RIMS1: variants seen among roughly 807,000 people sequenced by gnomAD.
RIMS1 encodes regulating synaptic membrane exocytosis protein 1.
Under a neutral mutation model 214.1 loss-of-function variants are expected in RIMS1, and 83 were observed. The ratio of observed to expected loss-of-function variants is 0.39; its 90% CI spans 0.32 to 0.47. The LOEUF (loss-of-function observed/expected upper bound fraction) is 0.47. Among genes scored for constraint, RIMS1 ranks in the 20% least tolerant of loss-of-function variants. RIMS1 has a pLI of 0.99. For missense variants in RIMS1, 2,050 were observed against 2,161.8 expected (o/e 0.95, Z 1.03); for synonymous variants, 793 against 786.8 (o/e 1.01, Z -0.13).
At chr6:72,369,371 A>G (rs2098142874) in intron 29 of RIMS1, among the ~76,000 whole-genome samples, 1 of 152,118 alleles carries the variant, frequency 6.6e-6, no homozygotes, top group Non-Finnish European at 1.5e-5. Flanking sequence ...TTGGGTCTGT[A>G]TATCTCAGTC....
At chr6:72,364,023 A>G (rs917736254) in intron 29 of RIMS1, among the ~76,000 whole-genome samples, 2 of 152,234 alleles carry the variant, frequency 1.3e-5, no homozygotes, top group Admixed American at 1.3e-4. Context: ...TCCATGGAAC[A>G]TGAGGTGTCT....
Position 72,250,909 on chromosome 6 carries a change from C to A in RIMS1, c.2373-12C>A. 1 of 1,445,824 alleles carries A rather than the reference C, an allele frequency of 6.9e-7. No individual in the cohort carries two copies. The highest frequency in any genetic ancestry group is 9.3e-7 in the Non-Finnish European group (1 of 1,080,070). The allele number at this position is 1,445,824 out of a possible 1,614,324, so 89.6% of individuals were successfully genotyped here. On this transcript the variant is annotated splice_polypyrimidine_tract_variant and intron_variant, in intron 13 of 33. Transcript: ENST00000521978. ...CTTGCTTTTTCATTTACAAAACATA[C>A]TTATTTTTCAGTGATAAAAGTAAAA... is the stretch of plus-strand genomic sequence containing the variant.
intron 3 of RIMS1, 39 bp from the exon 4 acceptor site, chr6:72,099,936 T>C: frequency 2.5e-6 from 4 of 1,582,806 alleles, no homozygotes; most frequent in Non-Finnish European, 2.6e-6. Context: ...TTTCTTTGTC[T>C]TCTTTCTCTA....
intron 4 of RIMS1, among the ~76,000 whole-genome samples, chr6:72,145,479 G>A (rs1477653055): frequency 6.6e-6 from 1 of 152,104 alleles, no homozygotes; most frequent in Non-Finnish European, 1.5e-5. Flanking sequence ...GGGCCTGGTG[G>A]CACACTCCTG....
chr6:72,140,471 G>A (rs923183020), intron 4 of RIMS1, among the ~76,000 whole-genome samples: 1 of 152,000 alleles, frequency 6.6e-6, no homozygotes, highest in Non-Finnish European at 1.5e-5. Flanking sequence ...AATTTACAAA[G>A]CATCAGGAAG....
At chr6:72,044,073 G>C (rs958286954) in intron 2 of RIMS1, among the ~76,000 whole-genome samples, 1 of 151,462 alleles carries the variant, frequency 6.6e-6, no homozygotes, top group Non-Finnish European at 1.5e-5. Context: ...TGAGAAATCA[G>C]TAAATGTTTA....
In RIMS1 at chr6:72,182,618, C is replaced by G; in HGVS notation, c.1147C>G (p.Arg383Gly). 6.5e-7 allele frequency: 1 copy of G among 1,546,546 alleles called. No homozygotes were observed. The highest frequency in any genetic ancestry group is 8.7e-7 in the Non-Finnish European group (1 of 1,145,858). The change falls in exon 6 of 34, where the codon CGC (arginine) becomes GGC (glycine). Residue 383 changes from arginine to glycine, a missense_variant. Physicochemically the swap from Arg to Gly is moderately radical, Grantham distance 125. This residue lies in a region of RIMS1 where 882 missense variants were observed against 828.9 expected (regional missense o/e 1.06). Coordinates refer to ENST00000521978, the MANE Select transcript of RIMS1 (RefSeq NM_014989.7). ...QQMRMHARVSRARHERRHSDV... is the reference protein window; with the variant it reads ...QQMRMHARVSGARHERRHSDV... The stretch of plus-strand genomic sequence containing the variant: ...GATGCGCATGCACGCCCGGGTGTCC[C>G]GCGCCAGGCACGAGCGGCGCCACAG...
intron 1 of RIMS1, among the ~76,000 whole-genome samples, chr6:71,934,002 A>G (rs984287433): frequency 6.6e-6 from 1 of 152,174 alleles, no homozygotes; most frequent in Non-Finnish European, 1.5e-5. Flanking sequence ...AGGTAAAGGT[A>G]TACTTGAATT....
At chr6:72,349,842 CAG>C (rs921676423) in intron 29 of RIMS1, among the ~76,000 whole-genome samples, 31 of 152,062 alleles carry the variant, frequency 2.0e-4, no homozygotes, top group African/African-American at 7.2e-4. Context: ...AAAAATAAAA[CAG>C]AAGAATCATT....
intron 29 of RIMS1, among the ~76,000 whole-genome samples, chr6:72,357,395 C>A (rs946425299): frequency 1.3e-5 from 2 of 152,150 alleles, no homozygotes; most frequent in Admixed American, 1.3e-4. Flanking sequence ...AGCCTCTCAT[C>A]CTGGGATAGG....
intron 29 of RIMS1, among the ~76,000 whole-genome samples, chr6:72,342,485 A>T (rs1333293685): frequency 2.0e-5 from 3 of 151,786 alleles, no homozygotes; most frequent in Non-Finnish European, 4.4e-5. Context: ...GGTAACTCTT[A>T]TGAACTTTTC....
chr6:72,294,799 A>G (rs1195771614), intron 26 of RIMS1, among the ~76,000 whole-genome samples: 1 of 151,774 alleles, frequency 6.6e-6, no homozygotes, highest in East Asian at 1.9e-4. Context: ...ATGCTAGCCT[A>G]TTTGCTACAT....
intron 29 of RIMS1, among the ~76,000 whole-genome samples, chr6:72,341,323 G>A (rs2097083946): frequency 2.0e-5 from 3 of 151,504 alleles, no homozygotes; most frequent in Non-Finnish European, 4.4e-5. Flanking sequence ...GTTGAAAATG[G>A]TGCTTAGTTT....
chr6:72,032,779 T>C (rs1429766800), intron 2 of RIMS1, among the ~76,000 whole-genome samples: 1 of 152,224 alleles, frequency 6.6e-6, no homozygotes, highest in Non-Finnish European at 1.5e-5. Flanking sequence ...TGACCACTTA[T>C]GCATTTATTC....
At chr6:72,202,673 T>C (rs1413790514) in intron 6 of RIMS1, among the ~76,000 whole-genome samples, 1 of 152,204 alleles carries the variant, frequency 6.6e-6, no homozygotes, top group Non-Finnish European at 1.5e-5. Context: ...TGATAAATAC[T>C]GATTTTGGCA....
intron 4 of RIMS1, among the ~76,000 whole-genome samples, chr6:72,170,795 G>C (rs977731006): frequency 1.3e-4 from 20 of 152,062 alleles, no homozygotes; most frequent in Admixed American, 1.2e-3. Flanking sequence ...AATATGTACT[G>C]AGTGTATCAC....
intron 6 of RIMS1, among the ~76,000 whole-genome samples, chr6:72,223,800 T>G (rs1163246150): frequency 6.6e-6 from 1 of 151,592 alleles, no homozygotes; most frequent in Non-Finnish European, 1.5e-5. Context: ...ACAAAAAAAT[T>G]AGCCAGGCGT....
At chr6:72,312,019 C>T (rs943972096) in intron 27 of RIMS1, among the ~76,000 whole-genome samples, 6 of 152,146 alleles carry the variant, frequency 3.9e-5, no homozygotes, top group African/African-American at 1.4e-4. Flanking sequence ...CTAAACTACT[C>T]TCATGTAAGA....
chr6:72,275,940 C>G (rs2086178894), intron 23 of RIMS1, among the ~76,000 whole-genome samples: 1 of 152,220 alleles, frequency 6.6e-6, no homozygotes, highest in South Asian at 2.1e-4. Flanking sequence ...GGCATGGTAG[C>G]TCACACTTGC....
Sources: allele counts gnomAD v4.1 joint callset (sites outside exome capture counted in the v4.1 genomes callset), GRCh38; gene constraint gnomAD v4.1.1; regional missense constraint gnomAD v4.1.1; transcripts MANE v1.5; gene names NCBI Gene and HGNC (gene_info 2026-07-23, HGNC 2026-07-21).